PDE3B: variants seen among roughly 807,000 people sequenced by gnomAD.
PDE3B encodes cGMP-inhibited 3',5'-cyclic phosphodiesterase 3B.
PDE3B carries 66 observed loss-of-function variants against 116.8 expected under a neutral mutation model. The ratio of observed to expected loss-of-function variants is 0.56; its 90% CI spans 0.46 to 0.69. The LOEUF (loss-of-function observed/expected upper bound fraction) is 0.69. Among genes scored for constraint, PDE3B ranks in the 30% least tolerant of loss-of-function variants. PDE3B has a pLI of 0.00. For synonymous variants in PDE3B, 595 were observed against 533.6 expected (o/e 1.12, Z -1.59); for missense variants, 1,384 against 1,368.1 (o/e 1.01, Z -0.18).
rs955279089 is a variant in PDE3B at position 14,645,057 on chromosome 11, T to C, written c.978+4T>C. The C allele has an allele frequency of 1.9e-6, 3 of 1,577,916 alleles. No individual in the cohort carries two copies. The highest frequency in any genetic ancestry group is 2.6e-6 in the Non-Finnish European group (3 of 1,160,612). On this transcript the variant is annotated splice_donor_region_variant and intron_variant, in intron 1 of 15. Coordinates refer to ENST00000282096, the MANE Select transcript of PDE3B (RefSeq NM_000922.4). ...GCCTTGTATTTCCAGAGAACAGGTA[T>C]GTTAGCTGGAAGGCGAGGTCTGGGA...
intron 12 of PDE3B, among the ~76,000 whole-genome samples, chr11:14,850,150 A>G (rs1847711786): frequency 6.6e-6 from 1 of 152,034 alleles, no homozygotes; most frequent in Admixed American, 6.5e-5. Flanking sequence ...ATGGAATACT[A>G]TGCAGCCATA....
At chr11:14,723,616 C>G (rs1158006986) in intron 1 of PDE3B, among the ~76,000 whole-genome samples, 1 of 151,826 alleles carries the variant, frequency 6.6e-6, no homozygotes, top group Non-Finnish European at 1.5e-5. Flanking sequence ...AACCCATTAG[C>G]TGGGAATGAT....
rs1555009102 is a variant in PDE3B, at chr11:14,871,546, G to C, written c.*1886G>C. Reference sequence around the variant, plus strand: ...TGAGATTGAATCACATTTCCATACTGTCTGTTATTTTATTGGGTTTTATAT... The same window carrying C: ...TGAGATTGAATCACATTTCCATACTCTCTGTTATTTTATTGGGTTTTATAT... On this transcript the variant is annotated 3_prime_UTR_variant, in exon 16 of 16. Transcript: ENST00000282096. 6.6e-6 allele frequency: 1 copy of C among 152,042 alleles called. No homozygotes were observed. Among genetic ancestry groups the C allele is most frequent in the Non-Finnish European group, 1.5e-5 (1 of 67,972 alleles). The allele number at this position is 152,042 out of a possible 1,614,324, so 9.4% of individuals were successfully genotyped here.
At chr11:14,676,391 G>T (rs1193445958) in intron 1 of PDE3B, among the ~76,000 whole-genome samples, 1 of 152,092 alleles carries the variant, frequency 6.6e-6, no homozygotes, top group East Asian at 1.9e-4. Context: ...GCATGTTACT[G>T]TACTGAATGC....
At chr11:14,852,569 A>G (rs1847774722) in intron 12 of PDE3B, among the ~76,000 whole-genome samples, 2 of 152,220 alleles carry the variant, frequency 1.3e-5, no homozygotes, top group Non-Finnish European at 2.9e-5. Context: ...CGTTATTTCT[A>G]ACTTCTCATT....
the PDE3B span, among the ~76,000 whole-genome samples, chr11:14,895,706 C>G: frequency 6.6e-6 from 1 of 152,198 alleles, no homozygotes; most frequent in Non-Finnish European, 1.5e-5. Context: ...AAAAGTCCTC[C>G]TCACCCCACT....
At chr11:14,851,089 C>T (rs960280284) in intron 12 of PDE3B, among the ~76,000 whole-genome samples, 5 of 150,736 alleles carry the variant, frequency 3.3e-5, no homozygotes, top group Non-Finnish European at 7.4e-5. Context: ...TCCCAAAGTG[C>T]TGGGATTACA....
At chr11:14,792,757 G>T (rs1040154571) in intron 4 of PDE3B, among the ~76,000 whole-genome samples, 1 of 152,048 alleles carries the variant, frequency 6.6e-6, no homozygotes, top group African/African-American at 2.4e-5. Flanking sequence ...GTCCATCTGT[G>T]CACCCTTTTA....
intron 12 of PDE3B, among the ~76,000 whole-genome samples, chr11:14,858,124 G>A (rs1490551298): frequency 2.0e-5 from 3 of 152,142 alleles, no homozygotes; most frequent in Non-Finnish European, 2.9e-5. Context: ...TCACAAATAA[G>A]TAGAGCTATT....
intron 5 of PDE3B, 35 bp downstream of exon 5, chr11:14,804,085 G>A: frequency 1.8e-6 from 2 of 1,116,334 alleles, no homozygotes; most frequent in Non-Finnish European, 2.7e-6. Flanking sequence ...AAATATGGGG[G>A]TTCTCAAAGT....
intron 1 of PDE3B, among the ~76,000 whole-genome samples, chr11:14,741,810 C>G (rs768849080): frequency 6.6e-6 from 1 of 152,066 alleles, no homozygotes; most frequent in Non-Finnish European, 1.5e-5. Context: ...TCAGCATTTG[C>G]TTGTCTGTAA....
intron 11 of PDE3B, among the ~76,000 whole-genome samples, chr11:14,838,459 T>C (rs1241710265): frequency 6.6e-6 from 1 of 152,162 alleles, no homozygotes; most frequent in Non-Finnish European, 1.5e-5. Context: ...AGAGATCATT[T>C]GGATAGATTT....
At chr11:14,845,919 G>C (rs1469832391) in intron 12 of PDE3B, among the ~76,000 whole-genome samples, 1 of 152,126 alleles carries the variant, frequency 6.6e-6, no homozygotes, top group Admixed American at 6.5e-5. Context: ...CACTCTGTAG[G>C]ATATTATCCA....
chr11:14,859,884 TC>T, intron 13 of PDE3B, among the ~76,000 whole-genome samples: 1 of 152,202 alleles, frequency 6.6e-6, no homozygotes, highest in East Asian at 1.9e-4. Flanking sequence ...CTATGCTTTA[TC>T]CCTCAGACAT....
chr11:14,728,706 T>G (rs774351481), intron 1 of PDE3B, among the ~76,000 whole-genome samples: 2 of 152,108 alleles, frequency 1.3e-5, no homozygotes, highest in African/African-American at 2.4e-5. Flanking sequence ...TGGGCCTTCT[T>G]AAACAGGTAA....
intron 1 of PDE3B, among the ~76,000 whole-genome samples, chr11:14,662,922 G>A (rs978526985): frequency 2.6e-5 from 4 of 152,080 alleles, no homozygotes; most frequent in Non-Finnish European, 5.9e-5. Flanking sequence ...AATCTAGCAA[G>A]GTAGGCCAAC....
chr11:14,893,788 C>CT, the PDE3B span, among the ~76,000 whole-genome samples: 1 of 152,164 alleles, frequency 6.6e-6, no homozygotes, highest in Non-Finnish European at 1.5e-5. Flanking sequence ...CTGATTAGCC[C>CT]TTTAATTCCA....
intron 10 of PDE3B, among the ~76,000 whole-genome samples, chr11:14,833,233 G>A (rs951788398): frequency 5.3e-5 from 8 of 152,090 alleles, no homozygotes; most frequent in African/African-American, 1.9e-4. Flanking sequence ...GATTATAGAC[G>A]TCAGCTGCCG....
At chr11:14,697,256 T>C (rs1481838507) in intron 1 of PDE3B, among the ~76,000 whole-genome samples, 2 of 152,134 alleles carry the variant, frequency 1.3e-5, no homozygotes, top group Non-Finnish European at 2.9e-5. Flanking sequence ...CTTTTAGATA[T>C]GTGATCTAGA....
Sources: allele counts gnomAD v4.1 joint callset (sites outside exome capture counted in the v4.1 genomes callset), GRCh38; gene constraint gnomAD v4.1.1; transcripts MANE v1.5; gene names NCBI Gene and HGNC (gene_info 2026-07-23, HGNC 2026-07-21).